PDILT: variants seen among roughly 807,000 people sequenced by gnomAD.
PDILT encodes the protein protein disulfide-isomerase-like protein of the testis.
A neutral mutation model predicts 53.7 loss-of-function variants in PDILT; 43 were observed. The ratio of observed to expected loss-of-function variants is 0.80; its 90% CI spans 0.63 to 1.03. The LOEUF (loss-of-function observed/expected upper bound fraction) is 1.03, where lower values mean the gene tolerates loss of function less well. Among genes scored for constraint, PDILT ranks in the 50% least tolerant of loss-of-function variants. PDILT has a pLI of 0.00. For synonymous variants in PDILT, 282 were observed against 274.2 expected (o/e 1.03, Z -0.28); for missense variants, 727 against 712.3 (o/e 1.02, Z -0.24).
chr16:20,367,052 TTTCTTTCTTTCTTTCTTTC>T (rs1966216291), intron 8 of PDILT, among the ~76,000 whole-genome samples: 3 of 90,040 alleles, frequency 3.3e-5, no homozygotes, highest in Non-Finnish European at 6.8e-5. Flanking sequence ...TCTTTCTTTC[TTTCTTTCTTTCTTTCTTTC>T]TTTCTTTCTT....
In PDILT at chr16:20,399,281, G is replaced by A. The variant is rs1341779214; in HGVS notation, c.20C>T (p.Pro7Leu). ...GACACAAGCGGCCACCAGCAGCAGG[G>A]GCATCCAGAGTAGGTCCATGGCTGT... MDLLWM[P>L]LLLVAACVSA... The change falls in exon 2 of 12, where the codon CCC becomes CTC. Residue 7 changes from proline to leucine, a missense_variant. Coordinates refer to ENST00000302451, the MANE Select transcript of PDILT (RefSeq NM_174924.2). The A allele has an allele frequency of 6.2e-7, 1 of 1,614,006 alleles. No homozygotes were observed. Among genetic ancestry groups the A allele is most frequent in the East Asian group, 2.2e-5 (1 of 44,868 alleles).
At chr16:20,401,329 T>A (rs1966737672) in intron 1 of PDILT, among the ~76,000 whole-genome samples, 1 of 152,248 alleles carries the variant, frequency 6.6e-6, no homozygotes. Flanking sequence ...TCCTTGTTTA[T>A]TTGTTCTTTG....
intron 3 of PDILT, among the ~76,000 whole-genome samples, chr16:20,380,149 G>A (rs571779737): frequency 6.6e-5 from 10 of 152,126 alleles, no homozygotes; most frequent in African/African-American, 2.2e-4. Context: ...ACACTCCAAC[G>A]TTACAGTTAT....
intron 1 of PDILT, among the ~76,000 whole-genome samples, chr16:20,403,676 C>G (rs79088258): frequency 6.7e-6 from 1 of 148,810 alleles, no homozygotes; most frequent in Non-Finnish European, 1.5e-5. Context: ...GCTTCTGCCT[C>G]TTTTTTTTTT....
At chr16:20,362,771 A>G (rs770343775) in intron 9 of PDILT, among the ~76,000 whole-genome samples, 189 bp from the exon 10 acceptor site, 2 of 152,074 alleles carry the variant, frequency 1.3e-5, no homozygotes, top group African/African-American at 2.4e-5. Context: ...TTATTCGATA[A>G]ATTAGAAAAA....
chr16:20,375,239 T>C (rs1252630639), intron 4 of PDILT, among the ~76,000 whole-genome samples: 3 of 152,242 alleles, frequency 2.0e-5, no homozygotes, highest in Middle Eastern at 3.2e-3. Context: ...AATGAGACTT[T>C]TAACATTTAT....
At chr16:20,359,934 G>A (rs1338461628) in intron 11 of PDILT, among the ~76,000 whole-genome samples, 1 of 152,170 alleles carries the variant, frequency 6.6e-6, no homozygotes, top group East Asian at 1.9e-4. Context: ...GTAGATGCTT[G>A]CTTTCTAAAC....
At position 20,380,701 on chromosome 16, in the gene PDILT, C is replaced by T. The variant is rs553995516; in HGVS notation, c.409+3944G>A. 4.8e-4 allele frequency among the ~76,000 whole-genome samples: 73 copies of T among 152,330 alleles called. 1 individual carries two copies. The highest frequency in any genetic ancestry group is 1.3e-3 in the African/African-American group (54 of 41,584). On this transcript the variant is annotated intron_variant, in intron 3 of 11. Coordinates refer to ENST00000302451, the MANE Select transcript of PDILT (RefSeq NM_174924.2). ...AATTATTAGAATGATTTTTCACTAG[C>T]TTGTTCAGTGTGAGCTCCCAGTAAG...
chr16:20,369,738 A>G, intron 7 of PDILT, 49 bp from the exon 8 acceptor site: 1 of 1,588,838 alleles, frequency 6.3e-7, no homozygotes, highest in Non-Finnish European at 8.6e-7. Flanking sequence ...TTGCCAGTGG[A>G]GAAAAACTGC....
Position 20,369,491 on chromosome 16 carries a change from C to G in PDILT, c.1116+1G>C. The G allele has an allele frequency of 6.2e-7, 1 of 1,613,286 alleles. No individual in the cohort carries two copies. The highest frequency in any genetic ancestry group is 1.6e-4 in the Middle Eastern group (1 of 6,062). ...TAAACCTTGTCCAAGAAAAAACCTA[C>G]TGTGGCATTTTTACTCAGGAAGCTG... On this transcript the variant is annotated splice_donor_variant, in intron 8 of 11. Coordinates refer to ENST00000302451, the MANE Select transcript of PDILT (RefSeq NM_174924.2). LOFTEE classifies it high-confidence loss of function.
At position 20,372,918 on chromosome 16, in the gene PDILT, G is replaced by T; in HGVS notation, c.802C>A (p.Leu268Met). The T allele has an allele frequency of 6.2e-7, 1 of 1,614,076 alleles. No homozygotes were observed. ...VIEYNTENKD[L>M]ISELHIMSHM... The stretch of plus-strand genomic sequence containing the variant: ...CTCATGATGTGCAACTCGGAAATCA[G>T]ATCCTTATTCTGAAATGACCAGGAA... The change falls in exon 7 of 12, where the codon CTG (leucine) becomes ATG (methionine). Residue 268 changes from leucine to methionine, a missense_variant. Transcript: ENST00000302451.
chr16:20,368,430 C>T (rs919813600), intron 8 of PDILT, among the ~76,000 whole-genome samples: 4 of 152,074 alleles, frequency 2.6e-5, no homozygotes, highest in Admixed American at 6.6e-5. Flanking sequence ...GCAGCCTCAC[C>T]GCTCAGCCCA....
intron 10 of PDILT, among the ~76,000 whole-genome samples, chr16:20,361,651 G>A (rs1966102455): frequency 6.6e-6 from 1 of 152,122 alleles, no homozygotes. Context: ...CAAAGAGTGG[G>A]TCACAGTGGA....
chr16:20,386,215 C>G (rs1006745348), intron 2 of PDILT, among the ~76,000 whole-genome samples: 1 of 152,062 alleles, frequency 6.6e-6, no homozygotes, highest in Non-Finnish European at 1.5e-5. Context: ...TGGCACGTGA[C>G]CTTGGCAGTG....
intron 9 of PDILT, 63 bp downstream of exon 9, chr16:20,365,357 G>C: frequency 6.3e-7 from 1 of 1,583,676 alleles, no homozygotes; most frequent in South Asian, 1.1e-5. Flanking sequence ...AACAATTCAG[G>C]AGAAACACTT....
chr16:20,385,346 CTGTG>C, intron 2 of PDILT, among the ~76,000 whole-genome samples: 1 of 152,178 alleles, frequency 6.6e-6, no homozygotes, highest in Non-Finnish European at 1.5e-5. Context: ...GCGCAAAGCC[CTGTG>C]ACAGTGAGAG....
intron 1 of PDILT, among the ~76,000 whole-genome samples, chr16:20,403,207 T>C (rs1400866627): frequency 6.6e-6 from 1 of 152,186 alleles, no homozygotes; most frequent in Admixed American, 6.5e-5. Context: ...TGTGGTAACC[T>C]CCTTACTGAT....
At chr16:20,360,309 GC>G (rs1057062138) in intron 11 of PDILT, among the ~76,000 whole-genome samples, 3 of 152,068 alleles carry the variant, frequency 2.0e-5, no homozygotes, top group African/African-American at 7.2e-5. Flanking sequence ...CAGGGAAGCG[GC>G]CCAAGGCAAG....
At chr16:20,384,501 G>A in intron 3 of PDILT, 144 bp downstream of exon 3, 1 of 956,358 alleles carries the variant, frequency 1.0e-6, no homozygotes, top group Non-Finnish European at 1.6e-6. Flanking sequence ...TGGCTCCAAG[G>A]CCCTAGAGAA....
Sources: gnomAD v4.1 joint callset for allele counts (sites outside exome capture counted in the v4.1 genomes callset) on GRCh38, gnomAD v4.1.1 for gene constraint, MANE v1.5 for transcripts, NCBI Gene and HGNC (gene_info 2026-07-23, HGNC 2026-07-21) for gene names.